ALOX5: variants seen among roughly 807,000 people sequenced by gnomAD.
ALOX5 encodes arachidonate 5-lipoxygenase.
Under a neutral mutation model 87.9 loss-of-function variants are expected in ALOX5, and 64 were observed. That is an observed-to-expected ratio of 0.73 (90% CI 0.60 to 0.90). The LOEUF (loss-of-function observed/expected upper bound fraction) is 0.90, where lower values mean the gene tolerates loss of function less well. Among genes scored for constraint, ALOX5 ranks in the 40% least tolerant of loss-of-function variants. ALOX5 has a pLI of 0.00. For missense variants in ALOX5, 822 were observed against 907.5 expected (o/e 0.91, Z 1.21); for synonymous variants, 388 against 355.1 (o/e 1.09, Z -1.04).
At chr10:45,421,199 C>G (rs1263350167) in intron 4 of ALOX5, among the ~76,000 whole-genome samples, 5 of 152,250 alleles carry the variant, frequency 3.3e-5, no homozygotes, top group Non-Finnish European at 7.3e-5. Flanking sequence ...CTCTAGATGA[C>G]ATGTAAATAT....
At chr10:45,412,403 T>C in intron 4 of ALOX5, 90 bp downstream of exon 4, 2 of 1,540,444 alleles carry the variant, frequency 1.3e-6, no homozygotes, top group East Asian at 2.3e-5. Context: ...CATGGGGTCC[T>C]TGGGTTGGGG....
At position 45,433,548 on chromosome 10, in the gene ALOX5, A is replaced by T. The variant is rs75687019; in HGVS notation, c.981+4784A>T. ...AGACCGGAACTCCCTGATGGCTTGCAGGTAAGGGTTTTTAAAGGCAGAGTG... is the reference window on the plus strand; with the variant it reads ...AGACCGGAACTCCCTGATGGCTTGCTGGTAAGGGTTTTTAAAGGCAGAGTG... On this transcript the variant is annotated intron_variant, in intron 7 of 13. Coordinates refer to ENST00000374391, the MANE Select transcript of ALOX5 (RefSeq NM_000698.5). Among the ~76,000 whole-genome samples, 580 of 152,338 alleles carry T rather than the reference A, an allele frequency of 3.8e-3. 12 individuals are homozygous for T. The East Asian group carries it at 0.053, about 14-fold the overall frequency.
chr10:45,380,752 G>A (rs1839796253), intron 1 of ALOX5, among the ~76,000 whole-genome samples: 1 of 152,146 alleles, frequency 6.6e-6, no homozygotes, highest in Admixed American at 6.5e-5. Flanking sequence ...GACCAGCCTG[G>A]CCAACATGGT....
rs750603646 is a variant in ALOX5, at chr10:45,382,592, C to T, written c.260C>T (p.Thr87Met). 5.6e-6 allele frequency: 9 copies of T among 1,614,016 alleles called. No individual in the cohort carries two copies. Among genetic ancestry groups the T allele is most frequent in the South Asian group, 1.1e-5 (1 of 91,092 alleles). The change falls in exon 2 of 14, where the codon ACG becomes ATG. Residue 87 changes from threonine to methionine, a missense_variant. Coordinates refer to ENST00000374391, the MANE Select transcript of ALOX5 (RefSeq NM_000698.5). ...GACGACTGGTACCTGAAGTACATCA[C>T]GCTGAAGACGCCCCACGGGGACTAC... ...LNDDWYLKYI[T>M]LKTPHGDYIE...
In ALOX5 at chr10:45,443,709, G is replaced by A. The variant is rs1336610202; in HGVS notation, c.1574-19G>A. ...GTCCTCAGGGACTGGGCCTCAGCCC[G>A]CCGGTGGTTCCACCCTAGGCTTCCC... On this transcript the variant is annotated intron_variant, in intron 11 of 13. Coordinates refer to ENST00000374391, the MANE Select transcript of ALOX5 (RefSeq NM_000698.5). 2.5e-6 allele frequency: 4 copies of A among 1,607,190 alleles called. No homozygotes were observed. Among genetic ancestry groups the A allele is most frequent in the Admixed American group, 1.7e-5 (1 of 59,532 alleles).
rs761951540 is a variant in ALOX5 at position 45,374,255 on chromosome 10, G to T, written c.-25G>T. 3.1e-5 allele frequency: 45 copies of T among 1,455,440 alleles called. No homozygotes were observed. In the East Asian group the frequency reaches 1.3e-3, roughly 43 times the overall value. 90.2% of individuals were successfully genotyped at this position (1,455,440 alleles called of 1,614,324 possible). ...GGACCGCCGCGCCGAGGCTCCCGGC[G>T]CTCGCTGCTCCCGCGGCCCGCGCCA... is the stretch of plus-strand genomic sequence containing the variant. On this transcript the variant is annotated 5_prime_UTR_variant, in exon 1 of 14. Coordinates refer to ENST00000374391, the MANE Select transcript of ALOX5 (RefSeq NM_000698.5).
chr10:45,432,442 CTG>C (rs754953548), intron 7 of ALOX5, among the ~76,000 whole-genome samples: 3 of 151,826 alleles, frequency 2.0e-5, no homozygotes, highest in Non-Finnish European at 4.4e-5. Flanking sequence ...TAAGCAGACA[CTG>C]TGCTTGAAAA....
chr10:45,381,178 C>T (rs1474611016), intron 1 of ALOX5, among the ~76,000 whole-genome samples: 2 of 152,240 alleles, frequency 1.3e-5, no homozygotes, highest in Admixed American at 1.3e-4. Context: ...GAGGCCTGGG[C>T]AGCTGCGCTG....
intron 2 of ALOX5, among the ~76,000 whole-genome samples, chr10:45,389,020 C>A (rs1220396451): frequency 6.6e-6 from 1 of 152,220 alleles, no homozygotes; most frequent in Non-Finnish European, 1.5e-5. Flanking sequence ...AGCTGAAAAA[C>A]ATGGCACGAG....
chr10:45,385,092 C>G (rs1053184196), intron 2 of ALOX5, among the ~76,000 whole-genome samples: 8 of 152,128 alleles, frequency 5.3e-5, no homozygotes, highest in African/African-American at 1.9e-4. Context: ...GGTGATCCAC[C>G]CGGCTCGGCC....
At chr10:45,410,207 G>A (rs1337946654) in intron 3 of ALOX5, among the ~76,000 whole-genome samples, 1 of 152,184 alleles carries the variant, frequency 6.6e-6, no homozygotes, top group Non-Finnish European at 1.5e-5. Context: ...TATGACTAAT[G>A]ATAGCTAATT....
intron 2 of ALOX5, among the ~76,000 whole-genome samples, chr10:45,392,517 C>G (rs139912761): frequency 0.15 from 22,382 of 150,162 alleles, 1,877 homozygotes; most frequent in Non-Finnish European, 0.17. Context: ...CAGCAGGCTC[C>G]TTAAGAGTCA....
rs1216415739 is a variant in ALOX5 at position 45,443,212 on chromosome 10, A to C, written c.1447A>C (p.Arg483=). ...DDGLLVWEAI[R]TFTAEVVDIY... ...CGGGCTCCTGGTGTGGGAAGCCATCAGGACGTGAGCGCCCGCGGGGCGGTG... is the reference window on the plus strand; with the variant it reads ...CGGGCTCCTGGTGTGGGAAGCCATCCGGACGTGAGCGCCCGCGGGGCGGTG... Residue 483 remains arginine, a synonymous_variant, in exon 10 of 14, where the codon AGG becomes CGG. Transcript: ENST00000374391. 6.2e-7 allele frequency: 1 copy of C among 1,613,004 alleles called. No homozygotes were observed. The highest frequency in any genetic ancestry group is 1.7e-5 in the Admixed American group (1 of 59,982).
chr10:45,421,446 A>G (rs755524586), intron 4 of ALOX5, among the ~76,000 whole-genome samples: 2 of 152,232 alleles, frequency 1.3e-5, no homozygotes, highest in Non-Finnish European at 1.5e-5. Flanking sequence ...TTCAGGCCCT[A>G]CAGGGCTCTC....
Position 45,412,255 on chromosome 10 carries a change from C to G in ALOX5, c.496C>G (p.Arg166Gly). The G allele has an allele frequency of 6.2e-7, 1 of 1,614,122 alleles. No individual in the cohort carries two copies. The highest frequency in any genetic ancestry group is 8.5e-7 in the Non-Finnish European group (1 of 1,180,012). The change falls in exon 4 of 14, where the codon CGT (arginine) becomes GGT (glycine). Residue 166 changes from arginine to glycine, a missense_variant. Physicochemically the swap from Arg to Gly is moderately radical, Grantham distance 125. Transcript: ENST00000374391. ...TGCCAAATGCCACAAGGATTTACCC[C>G]GTGATATCCAGTTTGATAGTGAAAA... ...IDAKCHKDLP[R>G]DIQFDSEKGV...
In ALOX5 at chr10:45,425,189, A is replaced by G. The variant is rs974495382; in HGVS notation, c.834+57A>G. 2 of 1,561,114 alleles carry G rather than the reference A, an allele frequency of 1.3e-6. No individual in the cohort carries two copies. Among genetic ancestry groups the G allele is most frequent in the African/African-American group, 1.4e-5 (1 of 74,050 alleles). On this transcript the variant is annotated intron_variant, in intron 6 of 13. Transcript: ENST00000374391. This position sits in a 1 kb window ranked among gnomAD's most constrained non-coding sequence, Gnocchi z 4.4. ...GGTCACAGTCTGTCAGGTGGAAGCC[A>G]GTTCCTCCTGGCCAGTGCTCATAGG...
At chr10:45,417,108 A>T (rs1208687454) in intron 4 of ALOX5, among the ~76,000 whole-genome samples, 4 of 152,032 alleles carry the variant, frequency 2.6e-5, no homozygotes, top group Non-Finnish European at 5.9e-5. Context: ...ATTAAAATGA[A>T]AGTGTGACCC....
At chr10:45,433,313 C>T (rs1051534059) in intron 7 of ALOX5, among the ~76,000 whole-genome samples, 3 of 152,160 alleles carry the variant, frequency 2.0e-5, no homozygotes, top group Non-Finnish European at 4.4e-5. Context: ...GATCCCACAG[C>T]GCCTGCTGTA....
At chr10:45,392,479 T>C (rs2132707467) in intron 2 of ALOX5, among the ~76,000 whole-genome samples, 1 of 151,694 alleles carries the variant, frequency 6.6e-6, no homozygotes, top group Admixed American at 6.5e-5. Flanking sequence ...CAGTGCAAGA[T>C]GTGCTTTGTT....
Sources: allele counts gnomAD v4.1 joint callset (sites outside exome capture counted in the v4.1 genomes callset), GRCh38; gene constraint gnomAD v4.1.1; non-coding constraint Gnocchi (gnomAD v3.1); transcripts MANE v1.5; gene names NCBI Gene and HGNC (gene_info 2026-07-23, HGNC 2026-07-21).